Variants in DLG2 observed in about 807,000 individuals in gnomAD.
DLG2 encodes the protein disks large homolog 2.
In DLG2, 45 loss-of-function variants were observed where a neutral mutation model predicts 132.5. The observed-to-expected ratio is 0.34, with a 90% CI of 0.27 to 0.44. The LOEUF (loss-of-function observed/expected upper bound fraction) is 0.44, where lower values mean the gene tolerates loss of function less well. Among genes scored for constraint, DLG2 ranks in the 20% least tolerant of loss-of-function variants. The probability of loss-of-function intolerance (pLI) is 1.00; values close to 1 mark genes in which losing one functional copy is unlikely to be tolerated. For synonymous variants in DLG2, 424 were observed against 419.6 expected (o/e 1.01, Z -0.13); for missense variants, 1,045 against 1,196.9 (o/e 0.87, Z 1.87).
At chr11:84,673,360 G>A (rs2099707992) in intron 6 of DLG2, among the ~76,000 whole-genome samples, 1 of 152,024 alleles carries the variant, frequency 6.6e-6, no homozygotes, top group East Asian at 1.9e-4. Context: ...GCATGGTGTA[G>A]ATTAAGAAAG....
intron 6 of DLG2, among the ~76,000 whole-genome samples, chr11:84,851,601 G>C (rs1440032195): frequency 6.6e-6 from 1 of 152,040 alleles, no homozygotes; most frequent in Non-Finnish European, 1.5e-5. Flanking sequence ...CATGGGTTTA[G>C]AGCAGTAAGA....
intron 19 of DLG2, among the ~76,000 whole-genome samples, chr11:83,549,510 T>C (rs1195341312): frequency 1.3e-5 from 2 of 152,174 alleles, no homozygotes; most frequent in African/African-American, 4.8e-5. Flanking sequence ...ACCTCTTCTC[T>C]ACTCTAAAGA....
chr11:84,074,885 C>A (rs1566361570), intron 10 of DLG2, among the ~76,000 whole-genome samples: 1 of 152,234 alleles, frequency 6.6e-6, no homozygotes, highest in South Asian at 2.1e-4. Flanking sequence ...TTACTTAAGA[C>A]CTACGAGCTC....
chr11:84,671,503 G>A (rs1165577826), intron 6 of DLG2, among the ~76,000 whole-genome samples: 1 of 152,064 alleles, frequency 6.6e-6, no homozygotes, highest in Non-Finnish European at 1.5e-5. Context: ...GTAGGGGGAG[G>A]AGATTAGTTG....
intron 6 of DLG2, among the ~76,000 whole-genome samples, chr11:84,822,740 C>A (rs1453845286): frequency 6.6e-6 from 1 of 151,880 alleles, no homozygotes. Flanking sequence ...CATGTCTACA[C>A]TTTTCAGAAA....
chr11:85,618,895 C>G (rs1014378890), intron 2 of DLG2, among the ~76,000 whole-genome samples: 1 of 152,272 alleles, frequency 6.6e-6, no homozygotes, highest in East Asian at 1.9e-4. Flanking sequence ...AACACTTGAG[C>G]AGATTTCCAA....
intron 6 of DLG2, among the ~76,000 whole-genome samples, chr11:84,666,743 C>A (rs1351987208): frequency 6.6e-6 from 1 of 151,988 alleles, no homozygotes; most frequent in African/African-American, 2.4e-5. Flanking sequence ...TAAAATCACA[C>A]ACTCAGAAAT....
At chr11:83,932,237 AT>A (rs199866110) in intron 14 of DLG2, among the ~76,000 whole-genome samples, 3,699 of 142,206 alleles carry the variant, frequency 0.026, 83 homozygotes, top group African/African-American at 0.071. Context: ...ACATTTGAAG[AT>A]TTTTTTTTTT....
intron 6 of DLG2, among the ~76,000 whole-genome samples, chr11:84,755,713 G>A (rs2066784827): frequency 6.6e-6 from 1 of 152,188 alleles, no homozygotes; most frequent in Non-Finnish European, 1.5e-5. Flanking sequence ...ATGAGCTACC[G>A]CGCCTGGCCC....
chr11:83,947,076 G>T (rs1390326520), intron 14 of DLG2, among the ~76,000 whole-genome samples: 1 of 152,242 alleles, frequency 6.6e-6, no homozygotes, highest in Middle Eastern at 3.4e-3. Context: ...GAACTGGAAA[G>T]CGTCATGATA....
At chr11:83,858,505 TTCTGG>T (rs1157903216) in intron 16 of DLG2, among the ~76,000 whole-genome samples, 1 of 152,190 alleles carries the variant, frequency 6.6e-6, no homozygotes, top group African/African-American at 2.4e-5. Flanking sequence ...GAGGCCTGAC[TTCTGG>T]TCTTGAATTT....
chr11:85,137,038 A>G (rs2076181228), intron 5 of DLG2, among the ~76,000 whole-genome samples: 3 of 152,062 alleles, frequency 2.0e-5, no homozygotes, highest in African/African-American at 7.2e-5. Flanking sequence ...AAATAAATAT[A>G]TTGGTGCATG....
intron 7 of DLG2, among the ~76,000 whole-genome samples, chr11:84,533,056 G>A (rs780328176): frequency 2.0e-5 from 3 of 146,414 alleles, no homozygotes; most frequent in Non-Finnish European, 4.4e-5. Flanking sequence ...TTCTGCGGAA[G>A]AAGGAGTCTT....
intron 16 of DLG2, among the ~76,000 whole-genome samples, chr11:83,835,173 G>A (rs941101422): frequency 5.3e-5 from 8 of 152,140 alleles, no homozygotes; most frequent in Non-Finnish European, 1.0e-4. Flanking sequence ...CAAATACTTT[G>A]TAAACACCTA....
intron 6 of DLG2, among the ~76,000 whole-genome samples, chr11:84,844,129 GTGTGTGTATA>G (rs1439380219): frequency 2.7e-4 from 7 of 25,908 alleles, no homozygotes; most frequent in Non-Finnish European, 4.0e-4. Context: ...GTGTGTGTGT[GTGTGTGTATA>G]TATATATATA....
chr11:85,272,710 C>T (rs1177690127), intron 4 of DLG2, among the ~76,000 whole-genome samples: 1 of 152,230 alleles, frequency 6.6e-6, no homozygotes, highest in East Asian at 1.9e-4. Context: ...AATGCCATCC[C>T]CATCAAGCTA....
intron 19 of DLG2, among the ~76,000 whole-genome samples, chr11:83,583,357 C>T (rs2097018155): frequency 6.6e-6 from 1 of 152,182 alleles, no homozygotes; most frequent in Non-Finnish European, 1.5e-5. Context: ...CGAAAGCCTG[C>T]AAGCCCGGGC....
chr11:83,492,082 C>T (rs777533449), intron 21 of DLG2, among the ~76,000 whole-genome samples: 2 of 152,010 alleles, frequency 1.3e-5, no homozygotes, highest in Non-Finnish European at 2.9e-5. Context: ...GATCAGATGG[C>T]CTGCAAAGCC....
chr11:84,975,513 A>G (rs1307588432), intron 6 of DLG2, among the ~76,000 whole-genome samples: 2 of 152,210 alleles, frequency 1.3e-5, no homozygotes, highest in African/African-American at 4.8e-5. Flanking sequence ...ACAAAGTGAT[A>G]AGCTTAGCAG....
Sources: gnomAD v4.1 joint callset for allele counts (sites outside exome capture counted in the v4.1 genomes callset) on GRCh38, gnomAD v4.1.1 for gene constraint, MANE v1.5 for transcripts, NCBI Gene and HGNC (gene_info 2026-07-23, HGNC 2026-07-21) for gene names.